Variants in DSTN observed in about 807,000 individuals in gnomAD.
The protein encoded by DSTN is destrin, actin depolymerizing factor, also known as destrin.
DSTN carries 10 observed loss-of-function variants against 16.8 expected under a neutral mutation model. The observed-to-expected ratio is 0.60, with a 90% confidence interval of 0.37 to 1.01. The LOEUF is 1.01. DSTN is among the 50% of genes least tolerant of loss of function. The pLI is 0.01. For synonymous variants in DSTN, 57 were observed against 58.9 expected (o/e 0.97, Z 0.14); for missense variants, 141 against 196.7 (o/e 0.72, Z 1.69).
chr20:17,579,573 A>AC (rs879473313), intron 1 of DSTN, among the ~76,000 whole-genome samples: 15 of 152,148 alleles, frequency 9.9e-5, no homozygotes, highest in Non-Finnish European at 2.2e-4. Flanking sequence ...ACAGAGCAAG[A>AC]CCCTGATCCC....
intron 2 of DSTN, 108 bp from the exon 3 acceptor site, chr20:17,604,447 G>T (rs2035619645): frequency 8.8e-7 from 1 of 1,136,016 alleles, no homozygotes; most frequent in South Asian, 1.5e-5. Context: ...AATATCTCAG[G>T]AGAGTCTGAG....
chr20:17,607,049 A>G lies in DSTN; in HGVS notation c.401A>G (p.Glu134Gly). Residue 134 changes from glutamate (E) to glycine (G), a missense_variant, in exon 4 of 4, where the codon GAA becomes GGA. Glu to Gly is a moderately conservative substitution (Grantham distance 98, BLOSUM62 -2). Transcript: ENST00000246069. ...IKKKFQGIKH[E>G]CQANGPEDLN... ...TTTTTCTCTCTAGGCATAAAACATG[A>G]ATGTCAAGCAAATGGACCAGAAGAT... 1 of 1,613,922 alleles carries G rather than the reference A, an allele frequency of 6.2e-7. No individual in the cohort carries two copies. The highest frequency in any genetic ancestry group is 8.5e-7 in the Non-Finnish European group (1 of 1,179,958).
At chr20:17,606,401 G>A (rs1384765191) in intron 3 of DSTN, among the ~76,000 whole-genome samples, 1 of 152,168 alleles carries the variant, frequency 6.6e-6, no homozygotes, top group Admixed American at 6.5e-5. Context: ...CATTGTGATC[G>A]ATTTCATAAA....
intron 1 of DSTN, among the ~76,000 whole-genome samples, chr20:17,581,146 T>C (rs1458704870): frequency 1.3e-5 from 2 of 152,122 alleles, no homozygotes; most frequent in Non-Finnish European, 2.9e-5. Context: ...TCCCTGTGGT[T>C]GATGTGTAGA....
In DSTN at chr20:17,608,261, T is replaced by C. The variant is rs1298741082; in HGVS notation, c.*1115T>C. The C allele has an allele frequency of 6.6e-6, 1 of 152,224 alleles. No homozygotes were observed. Among genetic ancestry groups the C allele is most frequent in the African/African-American group, 2.4e-5 (1 of 41,456 alleles). The allele number at this position is 152,224 out of a possible 1,614,324, so 9.4% of individuals were successfully genotyped here. The stretch of plus-strand genomic sequence containing the variant: ...TGACTTACCTCTCGTGTAATTTTCA[T>C]GTGTGAATTGGGAATACAGGATTTT... On this transcript the variant is annotated 3_prime_UTR_variant, in exon 4 of 4. Coordinates refer to ENST00000246069, the MANE Select transcript of DSTN (RefSeq NM_006870.4).
intron 3 of DSTN, chr20:17,605,131 C>A (rs1239574822): frequency 4.4e-6 from 2 of 456,236 alleles, no homozygotes; most frequent in South Asian, 1.5e-5. Flanking sequence ...CACTCCTGAG[C>A]TGGTCAGTTG....
chr20:17,587,753 T>G (rs201297618), intron 1 of DSTN, among the ~76,000 whole-genome samples: 1 of 152,178 alleles, frequency 6.6e-6, no homozygotes. Context: ...CTAAATAATA[T>G]ATTGTTTTCT....
intron 1 of DSTN, among the ~76,000 whole-genome samples, chr20:17,570,495 C>T (rs1363272693): frequency 2.6e-5 from 4 of 152,188 alleles, no homozygotes; most frequent in Non-Finnish European, 5.9e-5. Context: ...GTCTCCAGAC[C>T]CGGCCTTGCA....
At chr20:17,586,320 A>T (rs1345094076) in intron 1 of DSTN, among the ~76,000 whole-genome samples, 4 of 152,200 alleles carry the variant, frequency 2.6e-5, no homozygotes, top group African/African-American at 9.7e-5. Context: ...AGCGTCTCCA[A>T]GGTATGCCTG....
intron 1 of DSTN, chr20:17,596,816 G>A (rs952600400): frequency 1.0e-6 from 1 of 985,300 alleles, no homozygotes; most frequent in Middle Eastern, 5.2e-4. Flanking sequence ...ATTTGGCTGA[G>A]ATTTATCTGT....
In DSTN at chr20:17,606,037, G is replaced by C. The variant is rs150572291; in HGVS notation, c.389-1000G>C. Reference sequence around the variant, plus strand: ...GCAGGAAGAATGCTTGAACCCAAGAGGCAGAGGTTGCAGTGAGCTGAGATC... The same window carrying C: ...GCAGGAAGAATGCTTGAACCCAAGACGCAGAGGTTGCAGTGAGCTGAGATC... On this transcript the variant is annotated intron_variant, in intron 3 of 3. Transcript: ENST00000246069. 3.3e-4 allele frequency among the ~76,000 whole-genome samples: 50 copies of C among 152,248 alleles called. No homozygotes were observed. The East Asian group carries it at 9.3e-3, about 28-fold the overall frequency.
At chr20:17,583,227 A>G (rs1272816378) in intron 1 of DSTN, among the ~76,000 whole-genome samples, 6 of 152,246 alleles carry the variant, frequency 3.9e-5, no homozygotes, top group South Asian at 2.1e-4. Flanking sequence ...TGGAGCACCC[A>G]TACATTGCTG....
chr20:17,580,793 T>G (rs1030953306), intron 1 of DSTN, among the ~76,000 whole-genome samples: 2 of 152,036 alleles, frequency 1.3e-5, no homozygotes, highest in African/African-American at 2.4e-5. Context: ...TGGGCTACTT[T>G]AGCTAGAATT....
chr20:17,593,927 T>A (rs79844457), intron 1 of DSTN, among the ~76,000 whole-genome samples: 14,037 of 151,758 alleles, frequency 0.092, 1,201 homozygotes, highest in African/African-American at 0.23. Flanking sequence ...AAAAAAATTT[T>A]AAAAATTAGC....
chr20:17,591,829 T>G, intron 1 of DSTN: 2 of 924,932 alleles, frequency 2.2e-6, no homozygotes, highest in African/African-American at 3.6e-5. Context: ...GTTACTCTCA[T>G]GATTTTAGTG....
At chr20:17,571,898 G>A (rs148186517) in intron 1 of DSTN, among the ~76,000 whole-genome samples, 12 of 152,232 alleles carry the variant, frequency 7.9e-5, no homozygotes, top group Non-Finnish European at 1.5e-4. Flanking sequence ...TTCCAAATAC[G>A]CTTCAAAATT....
At chr20:17,586,599 AG>A (rs1287810342) in intron 1 of DSTN, among the ~76,000 whole-genome samples, 1 of 152,226 alleles carries the variant, frequency 6.6e-6, no homozygotes, top group Non-Finnish European at 1.5e-5. Flanking sequence ...TTTAATTCGT[AG>A]TTTTGATTAT....
intron 1 of DSTN, among the ~76,000 whole-genome samples, chr20:17,575,565 C>CT (rs1721544679): frequency 6.6e-6 from 1 of 151,842 alleles, no homozygotes; most frequent in Non-Finnish European, 1.5e-5. Flanking sequence ...CAGGCTCAGT[C>CT]AGTCCTCTAC....
At chr20:17,583,407 T>C in intron 1 of DSTN, among the ~76,000 whole-genome samples, 1 of 152,228 alleles carries the variant, frequency 6.6e-6, no homozygotes, top group Non-Finnish European at 1.5e-5. Context: ...CATAGCATTA[T>C]TATTCATAGT....
Sources: allele counts gnomAD v4.1 joint callset (sites outside exome capture counted in the v4.1 genomes callset), GRCh38; gene constraint gnomAD v4.1.1; transcripts MANE v1.5; gene names NCBI Gene and HGNC (gene_info 2026-07-23, HGNC 2026-07-21).